SAMD3: variants seen among roughly 807,000 people sequenced by gnomAD.
The protein encoded by SAMD3 is sterile alpha motif domain-containing protein 3.
SAMD3 carries 63 observed loss-of-function variants against 58.5 expected under a neutral mutation model. That is an observed-to-expected ratio of 1.08 (90% confidence interval 0.88 to 1.33). The LOEUF (loss-of-function observed/expected upper bound fraction) is 1.33, where lower values mean the gene tolerates loss of function less well. Among genes scored for constraint, SAMD3 ranks in the 40% most tolerant of loss-of-function variants. The probability of loss-of-function intolerance (pLI) is 0.00; values close to 1 mark genes in which losing one functional copy is unlikely to be tolerated. For missense variants in SAMD3, 604 were observed against 608.4 expected, an observed-to-expected ratio of 0.99 and a Z score of 0.08; for synonymous variants, 220 against 210.3, an observed-to-expected ratio of 1.05 and a Z score of -0.40.
chr6:130,270,702 A>T (rs896894863), intron 2 of SAMD3, among the ~76,000 whole-genome samples: 1 of 152,238 alleles, frequency 6.6e-6, no homozygotes, highest in Non-Finnish European at 1.5e-5. Context: ...ACATGAACAC[A>T]TAGATCTATT....
intron 2 of SAMD3, among the ~76,000 whole-genome samples, chr6:130,216,249 G>T (rs1413256151): frequency 1.3e-5 from 2 of 151,316 alleles, no homozygotes; most frequent in South Asian, 2.1e-4. Context: ...TTGGAGAGGG[G>T]TGGGGTGGAG....
intron 2 of SAMD3, among the ~76,000 whole-genome samples, chr6:130,237,248 C>A (rs1773189088): frequency 6.6e-6 from 1 of 152,088 alleles, no homozygotes; most frequent in Non-Finnish European, 1.5e-5. Context: ...AGAAATATGT[C>A]TCAATTAATG....
rs113378823 is a variant in SAMD3, at chr6:130,244,110, C to A, written c.-187-21297G>T. ...GTAAGACTATTAAATTTGTTCCTAGCAAGTAGAAAGTACATTTTAATTGGG... is the reference window on the plus strand; with the variant it reads ...GTAAGACTATTAAATTTGTTCCTAGAAAGTAGAAAGTACATTTTAATTGGG... On this transcript the variant is annotated intron_variant, in intron 2 of 13. Transcript: ENST00000368134. 1.0e-3 allele frequency among the ~76,000 whole-genome samples: 154 copies of A among 152,212 alleles called. 4 individuals carry two copies. The highest frequency in any genetic ancestry group is 3.4e-3 in the African/African-American group (142 of 41,518).
upstream of SAMD3, among the ~76,000 whole-genome samples, chr6:130,224,102 G>T (rs566881997): frequency 6.2e-4 from 94 of 151,926 alleles, no homozygotes; most frequent in African/African-American, 2.2e-3. Flanking sequence ...AGGCCGCTCA[G>T]TGGCCTGACT....
chr6:130,232,300 T>C (rs1197148592), intron 2 of SAMD3, among the ~76,000 whole-genome samples: 1 of 152,122 alleles, frequency 6.6e-6, no homozygotes, highest in Non-Finnish European at 1.5e-5. Context: ...CCATTATAGA[T>C]TTTTCAGAGG....
chr6:130,352,172 C>A (rs1458399958), intron 1 of SAMD3, among the ~76,000 whole-genome samples: 1 of 151,854 alleles, frequency 6.6e-6, no homozygotes, highest in Non-Finnish European at 1.5e-5. Flanking sequence ...ATGTAACAAA[C>A]CTGCACATTG....
intron 1 of SAMD3, among the ~76,000 whole-genome samples, chr6:130,323,157 T>C (rs1583105088): frequency 1.3e-5 from 2 of 152,202 alleles, no homozygotes; most frequent in African/African-American, 4.8e-5. Context: ...GATAGGTGAA[T>C]GTTAGACAGA....
At chr6:130,191,890 A>G (rs1793585002) in intron 5 of SAMD3, among the ~76,000 whole-genome samples, 2 of 152,232 alleles carry the variant, frequency 1.3e-5, no homozygotes, top group Admixed American at 6.5e-5. Flanking sequence ...GAATTCTCAG[A>G]TCCAGTCCAG....
At chr6:130,264,841 T>C (rs1562488064) in intron 2 of SAMD3, among the ~76,000 whole-genome samples, 1 of 151,750 alleles carries the variant, frequency 6.6e-6, no homozygotes, top group Non-Finnish European at 1.5e-5. Flanking sequence ...AAACCCTTTA[T>C]ACCCTATGTG....
intron 9 of SAMD3, among the ~76,000 whole-genome samples, chr6:130,149,670 A>G (rs1347071479): frequency 2.0e-5 from 3 of 152,204 alleles, no homozygotes; most frequent in African/African-American, 7.2e-5. Context: ...CTGAGTACAC[A>G]TGGACACAAA....
chr6:130,248,179 CGTGTGT>C (rs71810571), intron 2 of SAMD3, among the ~76,000 whole-genome samples: 23,903 of 146,268 alleles, frequency 0.16, 2,148 homozygotes, highest in East Asian at 0.35. Flanking sequence ...AAGTGTTTTG[CGTGTGT>C]GTGTGTGTGT....
At chr6:130,336,655 T>G (rs1364465250) in intron 1 of SAMD3, among the ~76,000 whole-genome samples, 2 of 152,242 alleles carry the variant, frequency 1.3e-5, no homozygotes, top group Non-Finnish European at 2.9e-5. Flanking sequence ...TGTGGCTTAA[T>G]GCCTGACAGA....
chr6:130,348,046 C>T (rs540864488), intron 1 of SAMD3, among the ~76,000 whole-genome samples: 1 of 152,142 alleles, frequency 6.6e-6, no homozygotes, highest in Admixed American at 6.5e-5. Flanking sequence ...TTGTCACCAC[C>T]AGGCCTGCCT....
intron 2 of SAMD3, among the ~76,000 whole-genome samples, chr6:130,278,114 G>A (rs756401735): frequency 3.3e-5 from 5 of 152,168 alleles, no homozygotes; most frequent in South Asian, 4.1e-4. Flanking sequence ...ATAGTTTGCA[G>A]ACCCTGCACT....
intron 7 of SAMD3, among the ~76,000 whole-genome samples, chr6:130,180,442 T>C (rs918774483): frequency 6.6e-6 from 1 of 152,014 alleles, no homozygotes; most frequent in Non-Finnish European, 1.5e-5. Context: ...GCTGTTCTTA[T>C]ATATGTTATG....
At chr6:130,308,393 C>CTATT (rs1278145709) in intron 2 of SAMD3, among the ~76,000 whole-genome samples, 20 of 146,094 alleles carry the variant, frequency 1.4e-4, no homozygotes, top group African/African-American at 4.7e-4. Flanking sequence ...CTATTCTATT[C>CTATT]TATTCTATTC....
chr6:130,316,754 C>A (rs1776389008), intron 1 of SAMD3, among the ~76,000 whole-genome samples: 1 of 152,132 alleles, frequency 6.6e-6, no homozygotes, highest in Admixed American at 6.5e-5. Context: ...CCAGGAGGGT[C>A]TGAGGGATCA....
intron 7 of SAMD3, among the ~76,000 whole-genome samples, chr6:130,180,953 C>CTTTCTTTTTTTTTTTTTTTTTT (rs56707260): frequency 2.6e-5 from 3 of 117,362 alleles, no homozygotes; most frequent in Non-Finnish European, 5.2e-5. Flanking sequence ...TTCTTTCTTT[C>CTTTCTTTTTTTTTTTTTTTTTT]TTTTTTCTTT....
At chr6:130,173,111 G>T (rs536224671) in intron 8 of SAMD3, among the ~76,000 whole-genome samples, 2 of 152,174 alleles carry the variant, frequency 1.3e-5, no homozygotes, top group Admixed American at 1.3e-4. Context: ...CTTTTATCAA[G>T]GTTCTTAGCT....
Sources: gnomAD v4.1 joint callset for allele counts (sites outside exome capture counted in the v4.1 genomes callset) on GRCh38, gnomAD v4.1.1 for gene constraint, MANE v1.5 for transcripts, NCBI Gene and HGNC (gene_info 2026-07-23, HGNC 2026-07-21) for gene names.